The following NDFIP2 variants were observed in gnomAD, a reference collection of about 807,000 sequenced individuals.
NDFIP2 encodes Nedd4 family interacting protein 2, also known as NEDD4 family-interacting protein 2.
Under a neutral mutation model 36.0 loss-of-function variants are expected in NDFIP2, and 19 were observed. That is an observed-to-expected ratio of 0.53 (90% CI 0.37 to 0.77). The LOEUF is 0.77. Ranked by LOEUF, NDFIP2 falls within the 30% of genes least tolerant of loss-of-function variation. The pLI is 0.00. For synonymous variants in NDFIP2, 181 were observed against 167.7 expected (o/e 1.08, Z -0.61); for missense variants, 446 against 435.8 (o/e 1.02, Z -0.21).
At chr13:79,497,940 T>C (rs1873510516) in intron 1 of NDFIP2, among the ~76,000 whole-genome samples, 1 of 151,740 alleles carries the variant, frequency 6.6e-6, no homozygotes, top group African/African-American at 2.4e-5. Context: ...TAGGAAGCTA[T>C]GGCAGTAGTT....
intron 1 of NDFIP2, among the ~76,000 whole-genome samples, chr13:79,486,900 C>T (rs146135375): frequency 3.9e-4 from 59 of 152,232 alleles, no homozygotes; most frequent in African/African-American, 1.3e-3. Flanking sequence ...CTAGACCATA[C>T]GGCATAGTAT....
chr13:79,533,493 T>C, intron 3 of NDFIP2, 37 bp downstream of exon 3: 1 of 1,544,262 alleles, frequency 6.5e-7, no homozygotes, highest in Non-Finnish European at 8.7e-7. Context: ...ATAAAATTAT[T>C]TTCGTTAATT....
At chr13:79,511,773 G>A (rs192141665) in intron 1 of NDFIP2, among the ~76,000 whole-genome samples, 1 of 152,236 alleles carries the variant, frequency 6.6e-6, no homozygotes, top group East Asian at 1.9e-4. Flanking sequence ...AATATCAAAA[G>A]CTTATGATCT....
At chr13:79,489,309 G>C (rs947635853) in intron 1 of NDFIP2, among the ~76,000 whole-genome samples, 2 of 152,200 alleles carry the variant, frequency 1.3e-5, no homozygotes, top group Admixed American at 1.3e-4. Flanking sequence ...CAGCATCTCA[G>C]TTCTCCTTTG....
intron 1 of NDFIP2, among the ~76,000 whole-genome samples, chr13:79,502,472 G>A (rs1873704099): frequency 6.6e-6 from 1 of 152,078 alleles, no homozygotes; most frequent in East Asian, 1.9e-4. Flanking sequence ...CCGTAGCTCT[G>A]GATTTAGTTT....
At chr13:79,517,651 A>G (rs1874404495) in intron 1 of NDFIP2, among the ~76,000 whole-genome samples, 2 of 152,208 alleles carry the variant, frequency 1.3e-5, no homozygotes, top group African/African-American at 4.8e-5. Flanking sequence ...CACATATTAT[A>G]ATTTTGTCAA....
At chr13:79,550,541 T>TA (rs533781119) in intron 6 of NDFIP2, among the ~76,000 whole-genome samples, 261 of 151,772 alleles carry the variant, frequency 1.7e-3, no homozygotes, top group African/African-American at 6.0e-3. Context: ...GCACTTGATA[T>TA]TACTATACAG....
chr13:79,528,429 G>A (rs896334764), intron 2 of NDFIP2, among the ~76,000 whole-genome samples: 1 of 152,124 alleles, frequency 6.6e-6, no homozygotes, highest in South Asian at 2.1e-4. Flanking sequence ...AGAAAGCTGA[G>A]ATTTATTATT....
At chr13:79,535,705 G>A (rs375478037) in intron 3 of NDFIP2, among the ~76,000 whole-genome samples, 21 of 152,290 alleles carry the variant, frequency 1.4e-4, no homozygotes, top group East Asian at 9.7e-4. Context: ...GTTTGCATAT[G>A]AGTCTCCATT....
At chr13:79,504,091 A>G (rs73551563) in intron 1 of NDFIP2, among the ~76,000 whole-genome samples, 6,546 of 152,260 alleles carry the variant, frequency 0.043, 488 homozygotes, top group African/African-American at 0.15. Context: ...TAATCATCAT[A>G]TAGGGGTTCT....
chr13:79,481,861 C>T (rs1566651071), intron 1 of NDFIP2, among the ~76,000 whole-genome samples: 1 of 152,168 alleles, frequency 6.6e-6, no homozygotes, highest in Non-Finnish European at 1.5e-5. Flanking sequence ...GACTCAGTCA[C>T]TCCTGAGACA....
intron 1 of NDFIP2, among the ~76,000 whole-genome samples, chr13:79,498,549 C>T (rs1873536405): frequency 6.6e-6 from 1 of 151,912 alleles, no homozygotes; most frequent in East Asian, 1.9e-4. Context: ...GTTCTGGATG[C>T]TGGGAAGTTC....
chr13:79,481,622 T>G (rs2079813894), intron 1 of NDFIP2, 98 bp downstream of exon 1: 1 of 1,353,030 alleles, frequency 7.4e-7, no homozygotes, highest in African/African-American at 1.5e-5. Context: ...AAGCTGTGGC[T>G]TTTTTTTGTT....
chr13:79,541,743 T>C (rs1448045164), intron 4 of NDFIP2, among the ~76,000 whole-genome samples: 1 of 152,164 alleles, frequency 6.6e-6, no homozygotes, highest in Non-Finnish European at 1.5e-5. Context: ...TAGTGTGGTT[T>C]AATTATAACT....
intron 1 of NDFIP2, among the ~76,000 whole-genome samples, chr13:79,512,779 A>G (rs1874128947): frequency 6.6e-6 from 1 of 152,192 alleles, no homozygotes; most frequent in Non-Finnish European, 1.5e-5. Context: ...GCACATGACC[A>G]GGCTACATGT....
At chr13:79,551,670 A>G (rs1875914656) in intron 7 of NDFIP2, among the ~76,000 whole-genome samples, 1 of 151,528 alleles carries the variant, frequency 6.6e-6, no homozygotes, top group African/African-American at 2.4e-5. Flanking sequence ...TTTATCAACT[A>G]TGAAGGCTAC....
Position 79,552,831 on chromosome 13 carries a change from A to AGGG in NDFIP2, c.*319_*320insGGG, listed in dbSNP as rs964003822. ...TTAATCAGTGTTTGATATAATTGAA[A>AGGG]GAGTTGAGTGGATAAACAGTCTTCC... On this transcript the variant is annotated 3_prime_UTR_variant, in exon 8 of 8. Transcript: ENST00000218652. 2.0e-5 allele frequency: 3 copies of AGGG among 151,940 alleles called. No individual in the cohort carries two copies. 9.4% of individuals were successfully genotyped at this position (151,940 alleles called of 1,614,324 possible).
chr13:79,498,835 C>T (rs1873547988), intron 1 of NDFIP2, among the ~76,000 whole-genome samples: 1 of 151,418 alleles, frequency 6.6e-6, no homozygotes, highest in African/African-American at 2.4e-5. Flanking sequence ...ACCATAGCAT[C>T]TAACAATAAT....
chr13:79,540,796 C>T (rs531868976), intron 4 of NDFIP2, among the ~76,000 whole-genome samples: 1 of 152,226 alleles, frequency 6.6e-6, no homozygotes, highest in Non-Finnish European at 1.5e-5. Flanking sequence ...GGGGAATGAG[C>T]AAGGAGGGCA....
Sources: gnomAD v4.1 joint callset for allele counts (sites outside exome capture counted in the v4.1 genomes callset) on GRCh38, gnomAD v4.1.1 for gene constraint, MANE v1.5 for transcripts, NCBI Gene and HGNC (gene_info 2026-07-23, HGNC 2026-07-21) for gene names.